ASIC4: variants seen among roughly 807,000 people sequenced by gnomAD.
The protein encoded by ASIC4 is acid sensing ion channel subunit family member 4.
In ASIC4, 28 loss-of-function variants were observed where a neutral mutation model predicts 53.4. The observed-to-expected ratio is 0.52, with a 90% CI of 0.39 to 0.72. The LOEUF is 0.72. Ranked by LOEUF, ASIC4 falls within the 30% of genes least tolerant of loss-of-function variation. The probability of loss-of-function intolerance (pLI) is 0.00; values close to 1 mark genes in which losing one functional copy is unlikely to be tolerated. For synonymous variants in ASIC4, 289 were observed against 301.4 expected (o/e 0.96, Z 0.43); for missense variants, 649 against 729.7 (o/e 0.89, Z 1.27).
In ASIC4 at chr2:219,517,770, G is replaced by T. The variant is rs1314153831; in HGVS notation, c.582+2464G>T. On this transcript the variant is annotated intron_variant, in intron 1 of 9. Coordinates refer to ENST00000358078, the MANE Select transcript of ASIC4 (RefSeq NM_018674.6). This position sits in a 1 kb window ranked among gnomAD's most constrained non-coding sequence, Gnocchi z 4.2. Reference sequence around the variant, plus strand: ...ATGATGGGGATTTGGGGTCTATGGTGGGGAGATGGGTATGTGAGCTGGTTG... The same window carrying T: ...ATGATGGGGATTTGGGGTCTATGGTTGGGAGATGGGTATGTGAGCTGGTTG... Among the ~76,000 whole-genome samples the T allele has an allele frequency of 1.3e-5, 2 of 152,120 alleles. No individual in the cohort carries two copies. The highest frequency in any genetic ancestry group is 4.8e-5 in the African/African-American group (2 of 41,406).
In ASIC4 at chr2:219,537,908, ACT is replaced by A. The variant is rs777795413; in HGVS notation, c.1507-18_1507-17del. The stretch of plus-strand genomic sequence containing the variant: ...GCACCACTTGAGCTCTCCCGGTCCC[ACT>A]CTCTCTTTTCTTTCTCCTGCAGAGT... On this transcript the variant is annotated intron_variant, in intron 9 of 9. Coordinates refer to ENST00000358078, the MANE Select transcript of ASIC4 (RefSeq NM_018674.6). This position sits in a 1 kb window ranked among gnomAD's most constrained non-coding sequence, Gnocchi z 4.9. 133 of 1,570,168 alleles carry A rather than the reference ACT, an allele frequency of 8.5e-5. 1 individual carries two copies. The Middle Eastern group carries it at 8.9e-4, about 10-fold the overall frequency.
At chr2:219,522,577 C>T (rs1213519733) in intron 1 of ASIC4, among the ~76,000 whole-genome samples, 1 of 152,218 alleles carries the variant, frequency 6.6e-6, no homozygotes, top group Non-Finnish European at 1.5e-5. Flanking sequence ...ATGTCTCACT[C>T]CCGCCTGGCT....
chr2:219,510,916 C>T (rs190132357), upstream of ASIC4, among the ~76,000 whole-genome samples: 4 of 152,162 alleles, frequency 2.6e-5, no homozygotes, highest in South Asian at 2.1e-4. This position sits in a 1 kb window ranked among gnomAD's most constrained non-coding sequence, Gnocchi z 5.2. Context: ...ATAAATCAGC[C>T]GCCGTCCGCC....
chr2:219,535,271 G>A lies in ASIC4; in HGVS notation c.1176G>A (p.Arg392=), dbSNP rs757747405. ...KEISMVRIPN[R]GSARYLARKY... ...TCTCCATGGTCAGGATCCCCAACAG[G>A]GGCTCAGCCCGGTACCTGGCGAGGA... The change falls in exon 6 of 10, where the codon AGG becomes AGA. Residue 392 remains arginine, a synonymous_variant. Coordinates refer to ENST00000358078, the MANE Select transcript of ASIC4 (RefSeq NM_018674.6). The A allele has an allele frequency of 1.9e-6, 3 of 1,613,916 alleles. No homozygotes were observed. The highest frequency in any genetic ancestry group is 1.7e-6 in the Non-Finnish European group (2 of 1,179,954).
intron 1 of ASIC4, among the ~76,000 whole-genome samples, chr2:219,522,601 C>T (rs896682770): frequency 1.3e-5 from 2 of 152,164 alleles, no homozygotes; most frequent in African/African-American, 4.8e-5. Context: ...GATCTGAGGT[C>T]GCGGGTTCAA....
intron 5 of ASIC4, 36 bp downstream of exon 5, chr2:219,532,975 G>T (rs770124188): frequency 6.3e-7 from 1 of 1,588,852 alleles, no homozygotes; most frequent in South Asian, 1.1e-5. Context: ...CTCTCCATCA[G>T]CCTCTTCATG....
intron 1 of ASIC4, among the ~76,000 whole-genome samples, chr2:219,522,741 C>G (rs1694907233): frequency 6.6e-6 from 1 of 152,050 alleles, no homozygotes; most frequent in Non-Finnish European, 1.5e-5. Flanking sequence ...CCCTCCCCGG[C>G]CGCCGCGGGG....
chr2:219,513,928 C>T (rs1218511769), upstream of ASIC4, among the ~76,000 whole-genome samples: 1 of 152,188 alleles, frequency 6.6e-6, no homozygotes, highest in Non-Finnish European at 1.5e-5. Context: ...TCCTCTGCCC[C>T]CCTCCCTCCG....
At chr2:219,523,965 A>ATG (rs1021119342) in intron 1 of ASIC4, among the ~76,000 whole-genome samples, 1 of 151,934 alleles carries the variant, frequency 6.6e-6, no homozygotes, top group African/African-American at 2.4e-5. Flanking sequence ...CTGGGACTAC[A>ATG]TGTGTGAGCC....
intron 6 of ASIC4, among the ~76,000 whole-genome samples, chr2:219,535,929 T>C (rs1695130248): frequency 6.6e-6 from 1 of 152,072 alleles, no homozygotes; most frequent in African/African-American, 2.4e-5. Flanking sequence ...CCCACAGCCA[T>C]ACCCAGCTAA....
Position 219,515,075 on chromosome 2 carries a change from C to G in ASIC4, c.351C>G (p.Leu117=). Residue 117 remains leucine (L), a synonymous_variant, in exon 1 of 10, where the codon CTC becomes CTG. Transcript: ENST00000358078. Reference sequence around the variant, plus strand: ...TGGCGGGCTTCCCGGCTGTCACCCTCTGCAATATCAACCGCTTCCGGCATT... The same window carrying G: ...TGGCGGGCTTCCCGGCTGTCACCCTGTGCAATATCAACCGCTTCCGGCATT... The part of the protein sequence containing the change: ...APVAGFPAVT[L]CNINRFRHSA... The G allele has an allele frequency of 3.1e-6, 5 of 1,613,850 alleles. No homozygotes were observed. The highest frequency in any genetic ancestry group is 3.4e-6 in the Non-Finnish European group (4 of 1,180,014).
At chr2:219,535,492 A>G (rs1695120725) in intron 6 of ASIC4, among the ~76,000 whole-genome samples, 168 bp downstream of exon 6, 1 of 148,060 alleles carries the variant, frequency 6.8e-6, no homozygotes, top group African/African-American at 2.5e-5. Flanking sequence ...GGGTGTGTAC[A>G]TGCATGTGTG....
intron 5 of ASIC4, among the ~76,000 whole-genome samples, chr2:219,534,739 C>G (rs576389237): frequency 6.6e-6 from 1 of 152,038 alleles, no homozygotes; most frequent in Non-Finnish European, 1.5e-5. Context: ...TTCTTCTGTT[C>G]GCCCATCCGT....
chr2:219,507,826 AG>A, the ASIC4 span, among the ~76,000 whole-genome samples: 4 of 152,120 alleles, frequency 2.6e-5, no homozygotes, highest in African/African-American at 9.7e-5. Context: ...GGCAGCAGGC[AG>A]GGGTGGCAGG....
Position 219,514,997 on chromosome 2 carries a change from C to T in ASIC4, c.273C>T (p.Gly91=). ...FLYQAAGLAR[G]YLTRPHLVAM... Reference sequence around the variant, plus strand: ...ACCAGGCGGCTGGCCTGGCCCGGGGCTACCTGACCCGGCCTCACCTGGTGG... The same window carrying T: ...ACCAGGCGGCTGGCCTGGCCCGGGGTTACCTGACCCGGCCTCACCTGGTGG... Residue 91 remains glycine (G), a synonymous_variant, in exon 1 of 10, where the codon GGC becomes GGT. Transcript: ENST00000358078. 4 of 1,613,230 alleles carry T rather than the reference C, an allele frequency of 2.5e-6. No individual in the cohort carries two copies. Among genetic ancestry groups the T allele is most frequent in the Non-Finnish European group, 3.4e-6 (4 of 1,179,850 alleles).
Position 219,537,756 on chromosome 2 carries a change from G to A in ASIC4, c.1506+20G>A, listed in dbSNP as rs1456374732. On this transcript the variant is annotated intron_variant, in intron 9 of 9. Transcript: ENST00000358078. The surrounding 1 kb of genome is among the most constrained non-coding windows in gnomAD (Gnocchi z 4.9). ...GAACAGGTGAGGACAAGCTCTAAAT[G>A]CCTGCAGCATGCAGCCACACCTCCC... 1.2e-6 allele frequency: 2 copies of A among 1,605,352 alleles called. No individual in the cohort carries two copies. Among genetic ancestry groups the A allele is most frequent in the Non-Finnish European group, 1.7e-6 (2 of 1,174,684 alleles).
intron 1 of ASIC4, among the ~76,000 whole-genome samples, chr2:219,519,377 C>T (rs1694851504): frequency 6.6e-6 from 1 of 152,194 alleles, no homozygotes; most frequent in South Asian, 2.1e-4. Context: ...GTTTCCGACC[C>T]ATGTGCTGGC....
At chr2:219,523,535 T>A (rs1398580952) in intron 1 of ASIC4, among the ~76,000 whole-genome samples, 1 of 152,214 alleles carries the variant, frequency 6.6e-6, no homozygotes, top group Non-Finnish European at 1.5e-5. Context: ...GGGGGGTCCC[T>A]GTATGCACGT....
At chr2:219,507,534 C>T in the ASIC4 span, among the ~76,000 whole-genome samples, 4 of 152,198 alleles carry the variant, frequency 2.6e-5, no homozygotes, top group Admixed American at 6.5e-5. Context: ...CCATTCTCTT[C>T]GGAAGCACAG....
Sources: gnomAD v4.1 joint callset for allele counts (sites outside exome capture counted in the v4.1 genomes callset) on GRCh38, gnomAD v4.1.1 for gene constraint, Gnocchi (gnomAD v3.1) non-coding constraint, MANE v1.5 for transcripts, NCBI Gene and HGNC (gene_info 2026-07-23, HGNC 2026-07-21) for gene names.